The following CEP192 variants were observed in gnomAD, a reference collection of about 807,000 sequenced individuals.
CEP192 encodes centrosomal protein 192.
CEP192 carries 151 observed loss-of-function variants against 271.8 expected under a neutral mutation model. The ratio of observed to expected loss-of-function variants is 0.56; its 90% CI spans 0.49 to 0.64. The LOEUF is 0.64. CEP192 is among the 30% of genes least tolerant of loss of function. CEP192 has a pLI of 0.00. For synonymous variants in CEP192, 995 were observed against 1,076.5 expected, an observed-to-expected ratio of 0.92 and a Z score of 1.48; for missense variants, 2,910 against 3,020.5, an observed-to-expected ratio of 0.96 and a Z score of 0.86.
chr18:13,096,405 A>G, intron 36 of CEP192, 98 bp downstream of exon 36: 2 of 1,486,718 alleles, frequency 1.3e-6, no homozygotes, highest in Non-Finnish European at 1.8e-6. Context: ...TATCCAGTTG[A>G]ATTTTGCACC....
At position 13,056,053 on chromosome 18, in the gene CEP192, T is replaced by C; in HGVS notation, c.3463T>C (p.Trp1155Arg). The change falls in exon 19 of 45, where the codon TGG becomes CGG. Residue 1155 changes from tryptophan (W) to arginine (R), a missense_variant. By Grantham distance (101) the Trp-to-Arg change is moderately radical (BLOSUM62 -3). Transcript: ENST00000506447. ...TCTGTTGGAAACCAGTGAGGTAGGTTGGACATCAAACCCTGAGGAATTGGA... is the reference window on the plus strand; with the variant it reads ...TCTGTTGGAAACCAGTGAGGTAGGTCGGACATCAAACCCTGAGGAATTGGA... The part of the protein sequence containing the change: ...GNLLETSEVG[W>R]TSNPEELDPI... 7 of 1,614,170 alleles carry C rather than the reference T, an allele frequency of 4.3e-6. No homozygotes were observed. The highest frequency in any genetic ancestry group is 5.9e-6 in the Non-Finnish European group (7 of 1,180,032).
intron 33 of CEP192, among the ~76,000 whole-genome samples, chr18:13,090,847 A>G (rs575520459): frequency 1.3e-5 from 2 of 152,242 alleles, no homozygotes; most frequent in East Asian, 3.9e-4. Flanking sequence ...ACTTAGTAAC[A>G]TGGTGCAACT....
At chr18:13,117,740 C>T in intron 44 of CEP192, 97 bp downstream of exon 44, 1 of 841,114 alleles carries the variant, frequency 1.2e-6, no homozygotes, top group Non-Finnish European at 2.0e-6. Context: ...TGCAGGTCCT[C>T]CATATTCCTC....
At chr18:13,040,781 C>A in intron 13 of CEP192, 49 bp from the exon 14 acceptor site, 1 of 1,462,648 alleles carries the variant, frequency 6.8e-7, no homozygotes, top group Non-Finnish European at 9.3e-7. Flanking sequence ...TAGAATTTCT[C>A]AAAGCAGTTG....
chr18:13,038,394 A>G lies in CEP192; in HGVS notation c.1624A>G (p.Thr542Ala). 6.4e-7 allele frequency: 1 copy of G among 1,551,582 alleles called. No homozygotes were observed. The highest frequency in any genetic ancestry group is 8.7e-7 in the Non-Finnish European group (1 of 1,146,872). Residue 542 changes from threonine to alanine, a missense_variant, in exon 13 of 45, where the codon ACT (threonine) becomes GCT (alanine). Transcript: ENST00000506447. The part of the protein sequence containing the change: ...IQEENIDAHN[T>A]SVALGDTSWG... ...GGAAGAAAACATAGATGCTCATAATACTTCGGTTGCACTGGGCGATACGTC... is the reference window on the plus strand; with the variant it reads ...GGAAGAAAACATAGATGCTCATAATGCTTCGGTTGCACTGGGCGATACGTC...
At chr18:13,057,439 A>C in intron 19 of CEP192, 146 bp from the exon 20 acceptor site, 1 of 802,816 alleles carries the variant, frequency 1.2e-6, no homozygotes, top group African/African-American at 1.8e-5. Flanking sequence ...CTCATGCAAC[A>C]TCAAGGACTC....
intron 5 of CEP192, 105 bp downstream of exon 5, chr18:13,013,130 T>G (rs1217999540): frequency 3.5e-6 from 2 of 570,172 alleles, no homozygotes; most frequent in African/African-American, 3.9e-5. Context: ...TCATCTACTT[T>G]TTTCTAGTAG....
At chr18:13,078,472 GA>G (rs1762158986) in intron 30 of CEP192, among the ~76,000 whole-genome samples, 1 of 152,084 alleles carries the variant, frequency 6.6e-6, no homozygotes. Context: ...TGGGTCAAAT[GA>G]TATTTCTAGT....
intron 34 of CEP192, among the ~76,000 whole-genome samples, chr18:13,092,915 G>C (rs1038805347): frequency 1.3e-5 from 2 of 152,094 alleles, no homozygotes; most frequent in African/African-American, 2.4e-5. Context: ...AGCACTTTGG[G>C]AGGCCAAGGC....
In CEP192 at chr18:13,097,210, C is replaced by T. The variant is rs558599386; in HGVS notation, c.6557+903C>T. On this transcript the variant is annotated intron_variant, in intron 36 of 44. Transcript: ENST00000506447. Reference sequence around the variant, plus strand: ...GGTAGAACAGGTTCCTCACAGCCCGCTTTTTCTGTAGCCCCATGGGTTTAG... The same window carrying T: ...GGTAGAACAGGTTCCTCACAGCCCGTTTTTTCTGTAGCCCCATGGGTTTAG... Among the ~76,000 whole-genome samples the T allele has an allele frequency of 5.9e-5, 9 of 152,274 alleles. No homozygotes were observed. In the South Asian group the frequency reaches 1.9e-3, roughly 32 times the overall value.
intron 1 of CEP192, among the ~76,000 whole-genome samples, chr18:12,994,978 A>C (rs1379676839): frequency 6.6e-6 from 1 of 151,640 alleles, no homozygotes; most frequent in Non-Finnish European, 1.5e-5. Flanking sequence ...GGAAGGTGAG[A>C]AGGTGGTGGC....
Position 13,089,882 on chromosome 18 carries a change from C to A in CEP192, c.6103+317C>A, listed in dbSNP as rs2039062483. ...ACTTTCTGCACTTATTCTCTAGGCA[C>A]CCTTGTAAACAGGAAGAGGAAAATG... On this transcript the variant is annotated intron_variant, in intron 33 of 44. Coordinates refer to ENST00000506447, the MANE Select transcript of CEP192 (RefSeq NM_032142.4). Among the ~76,000 whole-genome samples, 6 of 152,160 alleles carry A rather than the reference C, an allele frequency of 3.9e-5. 1 individual carries two copies. The South Asian group carries it at 8.3e-4, about 21-fold the overall frequency.
Position 13,057,629 on chromosome 18 carries a change from T to C in CEP192, c.4153T>C (p.Cys1385Arg), listed in dbSNP as rs113302248. 6.2e-7 allele frequency: 1 copy of C among 1,614,186 alleles called. No homozygotes were observed. The highest frequency in any genetic ancestry group is 8.5e-7 in the Non-Finnish European group (1 of 1,180,004). Residue 1385 changes from cysteine (C) to arginine (R), a missense_variant, in exon 20 of 45, where the codon TGT becomes CGT. By Grantham distance (180) the Cys-to-Arg change is radical. Coordinates refer to ENST00000506447, the MANE Select transcript of CEP192 (RefSeq NM_032142.4). ...GGAGTTGAAGCTTCCTCATGCTTGC[T>C]GTGTCGGGATCGCTTCCCAGACCCT... ...PEELKLPHAC[C>R]VGIASQTLLS...
Position 13,049,040 on chromosome 18 carries a change from T to C in CEP192, c.2249T>C (p.Phe750Ser), listed in dbSNP as rs1598446092. The stretch of plus-strand genomic sequence containing the variant: ...TCAAATAAAACCAGAGACAAGACTT[T>C]TCAGGAAGATGAGAAACAAAAGGAC... ...ALSNKTRDKT[F>S]QEDEKQKDYS... The change falls in exon 16 of 45, where the codon TTT becomes TCT. Residue 750 changes from phenylalanine to serine, a missense_variant. Phe to Ser is a radical substitution (Grantham distance 155). Coordinates refer to ENST00000506447, the MANE Select transcript of CEP192 (RefSeq NM_032142.4). The C allele has an allele frequency of 4.3e-6, 7 of 1,614,134 alleles. No homozygotes were observed. The highest frequency in any genetic ancestry group is 4.5e-5 in the East Asian group (2 of 44,874).
Position 13,049,150 on chromosome 18 carries a change from A to G in CEP192, c.2359A>G (p.Lys787Glu). 1 of 1,613,958 alleles carries G rather than the reference A, an allele frequency of 6.2e-7. No individual in the cohort carries two copies. Among genetic ancestry groups the G allele is most frequent in the East Asian group, 2.2e-5 (1 of 44,876 alleles). ...ACTTGATATGGAGAAATACCTTAAA[A>G]AAACAGAAGTTAGTAGATATGAAAG... ...NALDMEKYLK[K>E]TEVSRYESAL... The change falls in exon 16 of 45, where the codon AAA becomes GAA. Residue 787 changes from lysine to glutamate, a missense_variant. Physicochemically the swap from Lys to Glu is moderately conservative, Grantham distance 56. Transcript: ENST00000506447.
At chr18:13,030,372 A>G in intron 10 of CEP192, 93 bp from the exon 11 acceptor site, 2 of 1,081,170 alleles carry the variant, frequency 1.8e-6, no homozygotes. Flanking sequence ...TTGATAACTA[A>G]GGTAGTCATC....
At position 13,009,597 on chromosome 18, in the gene CEP192, C is replaced by G. The variant is rs139925930; in HGVS notation, c.466+966C>G. On this transcript the variant is annotated intron_variant, in intron 4 of 44. Transcript: ENST00000506447. ...CCTGTAATCTCAACACTTTGGGAGGCTGAGGTGGGCAGATCACCTGAGGTC... is the reference window on the plus strand; with the variant it reads ...CCTGTAATCTCAACACTTTGGGAGGGTGAGGTGGGCAGATCACCTGAGGTC... 1.3e-4 allele frequency among the ~76,000 whole-genome samples: 20 copies of G among 152,348 alleles called. 1 individual carries two copies. The South Asian group carries it at 1.7e-3, about 13-fold the overall frequency.
At chr18:13,120,842 CAT>C (rs946080833) in intron 44 of CEP192, among the ~76,000 whole-genome samples, 4 of 152,190 alleles carry the variant, frequency 2.6e-5, no homozygotes, top group South Asian at 2.1e-4. Context: ...GTAAGAAAAT[CAT>C]GTGTATAAAG....
chr18:13,105,183 C>T (rs770643078), intron 40 of CEP192, 104 bp downstream of exon 40: 57 of 792,500 alleles, frequency 7.2e-5, no homozygotes, highest in Non-Finnish European at 1.2e-4. Flanking sequence ...CAGTGCTACT[C>T]ACAGAGCCAG....
Sources: gnomAD v4.1 joint callset for allele counts (sites outside exome capture counted in the v4.1 genomes callset) on GRCh38, gnomAD v4.1.1 for gene constraint, MANE v1.5 for transcripts, NCBI Gene and HGNC (gene_info 2026-07-23, HGNC 2026-07-21) for gene names.